Variants in FAM184B observed in about 807,000 individuals in gnomAD.
FAM184B encodes the protein protein FAM184B.
A neutral mutation model predicts 135.9 loss-of-function variants in FAM184B; 111 were observed. The ratio of observed to expected loss-of-function variants is 0.82; its 90% CI spans 0.70 to 0.96. FAM184B has a LOEUF of 0.96. Ranked by LOEUF, FAM184B falls within the 40% of genes least tolerant of loss-of-function variation. The probability of loss-of-function intolerance (pLI) is 0.00; values close to 1 mark genes in which losing one functional copy is unlikely to be tolerated. For synonymous variants in FAM184B, 552 were observed against 524.8 expected, an observed-to-expected ratio of 1.05 and a Z score of -0.71; for missense variants, 1,375 against 1,323.9, an observed-to-expected ratio of 1.04 and a Z score of -0.60.
In FAM184B at chr4:17,707,631, C is replaced by A; in HGVS notation, c.1030+18G>T. On this transcript the variant is annotated intron_variant, in intron 3 of 17. Coordinates refer to ENST00000265018, the MANE Select transcript of FAM184B (RefSeq NM_015688.2). ...CTAACCTTGGGTCTTTTAAGGAAAT[C>A]ATTCCAGGGCATCTCACCTGTCTGC... 6.4e-7 allele frequency: 1 copy of A among 1,551,030 alleles called. No homozygotes were observed.
At chr4:17,633,653 T>C in intron 17 of FAM184B, 36 bp downstream of exon 17, 2 of 1,437,008 alleles carry the variant, frequency 1.4e-6, no homozygotes, top group Non-Finnish European at 1.8e-6. Flanking sequence ...TACAGGGAAA[T>C]AGAATAAGGG....
intron 1 of FAM184B, among the ~76,000 whole-genome samples, chr4:17,735,088 A>T (rs1354210135): frequency 6.6e-6 from 1 of 151,482 alleles, no homozygotes; most frequent in Non-Finnish European, 1.5e-5. Context: ...AGGAGAAAAA[A>T]CCAAACACCA....
chr4:17,774,630 A>T (rs1293496367), intron 1 of FAM184B, among the ~76,000 whole-genome samples: 1 of 152,238 alleles, frequency 6.6e-6, no homozygotes, highest in Non-Finnish European at 1.5e-5. Flanking sequence ...CAACCCTGTC[A>T]GCACATTGGA....
chr4:17,641,824 T>G (rs1715325692), intron 13 of FAM184B, among the ~76,000 whole-genome samples: 1 of 151,938 alleles, frequency 6.6e-6, no homozygotes, highest in African/African-American at 2.4e-5. Flanking sequence ...TTCAAGGCAC[T>G]TCCTCTGCGG....
At chr4:17,641,754 A>C (rs1715323099) in intron 13 of FAM184B, among the ~76,000 whole-genome samples, 2 of 147,298 alleles carry the variant, frequency 1.4e-5, no homozygotes, top group East Asian at 4.1e-4. Context: ...CGCCTCTGCC[A>C]ACCAAAGTGC....
chr4:17,755,379 G>T (rs1039484868), intron 1 of FAM184B, among the ~76,000 whole-genome samples: 4 of 152,162 alleles, frequency 2.6e-5, no homozygotes, highest in Non-Finnish European at 1.5e-5. Flanking sequence ...AAGCCAGTCA[G>T]AATGGTGATT....
Position 17,709,621 on chromosome 4 carries a change from G to A in FAM184B, c.165C>T (p.Arg55=). 1 of 1,522,124 alleles carries A rather than the reference G, an allele frequency of 6.6e-7. No homozygotes were observed. Among genetic ancestry groups the A allele is most frequent in the Non-Finnish European group, 8.8e-7 (1 of 1,135,844 alleles). 94.3% of individuals were successfully genotyped at this position (1,522,124 alleles called of 1,614,324 possible). ...CCATGCTGGCCTCAGCCTCATCCTGGCGGGTGTTCAGGGCATAAATCACCT... is the reference window on the plus strand; with the variant it reads ...CCATGCTGGCCTCAGCCTCATCCTGACGGGTGTTCAGGGCATAAATCACCT... ...LTKVIYALNT[R]QDEAEASMEA... Residue 55 remains arginine (R), a synonymous_variant, in exon 2 of 18, where the codon CGC becomes CGT. Coordinates refer to ENST00000265018, the MANE Select transcript of FAM184B (RefSeq NM_015688.2).
At position 17,781,239 on chromosome 4, in the gene FAM184B, C is replaced by T. The variant is rs1719027096; in HGVS notation, c.61G>A (p.Asp21Asn). 1.3e-6 allele frequency: 2 copies of T among 1,550,898 alleles called. No homozygotes were observed. Among genetic ancestry groups the T allele is most frequent in the South Asian group, 2.4e-5 (2 of 83,870 alleles). The change falls in exon 1 of 18, where the codon GAC becomes AAC. Residue 21 changes from aspartate to asparagine, a missense_variant. Transcript: ENST00000265018. This position sits in a 1 kb window ranked among gnomAD's most constrained non-coding sequence, Gnocchi z 6.5. ...PPGTCQGSKADGGAGWRMDCD... is the reference protein window; with the variant it reads ...PPGTCQGSKANGGAGWRMDCD... ...TCCATTCTCCAGCCGGCGCCACCGT[C>T]GGCTTTGGAGCCCTGGCAAGTGCCG... is the stretch of plus-strand genomic sequence containing the variant.
At position 17,631,611 on chromosome 4, in the gene FAM184B, T is replaced by G. The variant is rs1714946476; in HGVS notation, c.*921A>C. The G allele has an allele frequency of 6.6e-6, 1 of 152,240 alleles. No homozygotes were observed. The highest frequency in any genetic ancestry group is 1.5e-5 in the Non-Finnish European group (1 of 68,042). The allele number at this position is 152,240 out of a possible 1,614,324, so 9.4% of individuals were successfully genotyped here. A position where few individuals can be genotyped will look rare whatever the true frequency, so the allele number is the denominator to read the frequency against. ...TTGTGGTACTTAATTCCAATTCATG[T>G]TAATTTATGTTATCTTGCTTAATCC... On this transcript the variant is annotated 3_prime_UTR_variant, in exon 18 of 18. Transcript: ENST00000265018.
chr4:17,756,373 C>T (rs1043270630), intron 1 of FAM184B, among the ~76,000 whole-genome samples: 1 of 152,094 alleles, frequency 6.6e-6, no homozygotes, highest in Non-Finnish European at 1.5e-5. Flanking sequence ...ATAATAACTG[C>T]AATGGATTGA....
chr4:17,686,752 G>GCTAA (rs1351592788), intron 7 of FAM184B, among the ~76,000 whole-genome samples: 3 of 152,196 alleles, frequency 2.0e-5, no homozygotes, highest in African/African-American at 7.2e-5. Flanking sequence ...GACTAGCCTG[G>GCTAA]CTAACATGGT....
chr4:17,742,166 A>ATTTTTT (rs1313249091), intron 1 of FAM184B, among the ~76,000 whole-genome samples: 1 of 36,698 alleles, frequency 2.7e-5, no homozygotes, highest in African/African-American at 2.1e-4. Flanking sequence ...ATATATATAT[A>ATTTTTT]TATTTTTTTT....
Position 17,634,995 on chromosome 4 carries a change from T to A in FAM184B, c.2889+14A>T, listed in dbSNP as rs1438484095. 4 of 1,539,884 alleles carry A rather than the reference T, an allele frequency of 2.6e-6. No homozygotes were observed. The African/African-American group carries it at 5.5e-5, about 21-fold the overall frequency. ...GAATTGTATAATGCATTAAAACCATTAGAACCAATTTACCTTCATGGAAGG... is the reference window on the plus strand; with the variant it reads ...GAATTGTATAATGCATTAAAACCATAAGAACCAATTTACCTTCATGGAAGG... On this transcript the variant is annotated intron_variant, in intron 16 of 17. Coordinates refer to ENST00000265018, the MANE Select transcript of FAM184B (RefSeq NM_015688.2).
Position 17,642,368 on chromosome 4 carries a change from C to T in FAM184B, c.2347-140G>A, listed in dbSNP as rs1302748051. 3.7e-6 allele frequency: 5 copies of T among 1,357,180 alleles called. No homozygotes were observed. In the African/African-American group the frequency reaches 7.7e-5, roughly 21 times the overall value. 84.1% of individuals were successfully genotyped at this position (1,357,180 alleles called of 1,614,324 possible). A position where few individuals can be genotyped will look rare whatever the true frequency, so the allele number is the denominator to read the frequency against. On this transcript the variant is annotated intron_variant, in intron 12 of 17. Coordinates refer to ENST00000265018, the MANE Select transcript of FAM184B (RefSeq NM_015688.2). ...GAGCCTGTGGCAGGCTCCTGAGTTCCCTGCAGGGACTCCCATCTAGTCTCT... is the reference window on the plus strand; with the variant it reads ...GAGCCTGTGGCAGGCTCCTGAGTTCTCTGCAGGGACTCCCATCTAGTCTCT...
intron 16 of FAM184B, 69 bp from the exon 17 acceptor site, chr4:17,633,957 C>T (rs1220022352): frequency 4.1e-6 from 5 of 1,206,178 alleles, no homozygotes; most frequent in Non-Finnish European, 5.5e-6. Context: ...ATTGTAAAAG[C>T]AAATAATGCT....
intron 1 of FAM184B, among the ~76,000 whole-genome samples, chr4:17,745,901 G>C (rs1036277823): frequency 6.6e-6 from 1 of 152,152 alleles, no homozygotes; most frequent in Non-Finnish European, 1.5e-5. Flanking sequence ...TTAGATCTCT[G>C]ATCCACAACT....
intron 7 of FAM184B, among the ~76,000 whole-genome samples, chr4:17,670,714 A>G (rs1716152361): frequency 6.6e-6 from 1 of 152,244 alleles, no homozygotes; most frequent in African/African-American, 2.4e-5. Flanking sequence ...AGGCACTGCC[A>G]TCTTTGATTT....
chr4:17,716,242 A>G (rs1217020724), intron 1 of FAM184B, among the ~76,000 whole-genome samples: 2 of 152,114 alleles, frequency 1.3e-5, no homozygotes, highest in East Asian at 3.9e-4. Context: ...CAGGACATGT[A>G]CTTACTCTTA....
intron 11 of FAM184B, among the ~76,000 whole-genome samples, chr4:17,651,090 A>G (rs2108936529): frequency 6.6e-6 from 1 of 152,272 alleles, no homozygotes; most frequent in Admixed American, 6.5e-5. Context: ...TACTTAATAA[A>G]GCCAACATGA....
Sources: gnomAD v4.1 joint callset for allele counts (sites outside exome capture counted in the v4.1 genomes callset) on GRCh38, gnomAD v4.1.1 for gene constraint, Gnocchi (gnomAD v3.1) non-coding constraint, MANE v1.5 for transcripts, NCBI Gene and HGNC (gene_info 2026-07-23, HGNC 2026-07-21) for gene names.